Variants in ESRRG observed in about 807,000 individuals in gnomAD.
The protein encoded by ESRRG is estrogen-related receptor gamma.
ESRRG carries 13 observed loss-of-function variants against 44.0 expected under a neutral mutation model. The observed-to-expected ratio is 0.30, with a 90% CI of 0.19 to 0.47. The LOEUF (loss-of-function observed/expected upper bound fraction) is 0.47, where lower values mean the gene tolerates loss of function less well. Ranked by LOEUF, ESRRG falls within the 20% of genes least tolerant of loss-of-function variation. The probability of loss-of-function intolerance (pLI) is 1.00; values close to 1 mark genes in which losing one functional copy is unlikely to be tolerated. For missense variants in ESRRG, 395 were observed against 580.6 expected, an observed-to-expected ratio of 0.68 and a Z score of 3.29; for synonymous variants, 215 against 214.6, an observed-to-expected ratio of 1.00 and a Z score of -0.02.
At chr1:216,976,629 A>G (rs201092182) in intron 1 of ESRRG, among the ~76,000 whole-genome samples, 2 of 152,202 alleles carry the variant, frequency 1.3e-5, no homozygotes, top group East Asian at 1.9e-4. Context: ...GGTAGCATTC[A>G]TCTCTTCATT....
At chr1:216,858,847 G>A (rs1017428820) in intron 2 of ESRRG, among the ~76,000 whole-genome samples, 4 of 152,186 alleles carry the variant, frequency 2.6e-5, no homozygotes, top group East Asian at 1.9e-4. Flanking sequence ...GTAAAAGAGA[G>A]CAGTTCTGTG....
chr1:216,967,886 C>T (rs994641172), intron 1 of ESRRG, among the ~76,000 whole-genome samples: 1 of 152,158 alleles, frequency 6.6e-6, no homozygotes, highest in Non-Finnish European at 1.5e-5. Context: ...CCTGTAGTTT[C>T]ACATCCTCAT....
intron 1 of ESRRG, among the ~76,000 whole-genome samples, chr1:217,086,053 T>C (rs1293615785): frequency 6.6e-6 from 1 of 152,234 alleles, no homozygotes; most frequent in Non-Finnish European, 1.5e-5. Context: ...TTTATGAAGA[T>C]ATTTTAAATG....
intron 1 of ESRRG, among the ~76,000 whole-genome samples, chr1:216,982,907 C>T (rs2074204872): frequency 6.6e-6 from 1 of 152,116 alleles, no homozygotes; most frequent in African/African-American, 2.4e-5. Flanking sequence ...TTTATCTTCA[C>T]ACACAAGATA....
intron 2 of ESRRG, among the ~76,000 whole-genome samples, chr1:216,737,716 G>A (rs945734643): frequency 5.9e-5 from 9 of 151,712 alleles, no homozygotes; most frequent in African/African-American, 1.7e-4. Context: ...TGTGACCTTG[G>A]GCAAGTACCT....
chr1:216,724,363 T>C (rs1001664996), upstream of ESRRG, among the ~76,000 whole-genome samples: 2 of 12,108 alleles, frequency 1.7e-4, no homozygotes, highest in Non-Finnish European at 6.7e-4. Context: ...AAAGACAGCA[T>C]TTTTTTTTTT....
intron 1 of ESRRG, among the ~76,000 whole-genome samples, chr1:216,980,306 CAT>C (rs2073731346): frequency 6.6e-6 from 1 of 152,126 alleles, no homozygotes; most frequent in Non-Finnish European, 1.5e-5. Flanking sequence ...AAGTTTGAGT[CAT>C]GTGTGTTCAA....
At chr1:217,001,023 A>G (rs1297149027) in intron 1 of ESRRG, among the ~76,000 whole-genome samples, 3 of 152,278 alleles carry the variant, frequency 2.0e-5, no homozygotes, top group Non-Finnish European at 4.4e-5. Flanking sequence ...ATATAAGATC[A>G]TAAGCTAAGA....
At chr1:217,029,989 C>T (rs1266619071) in intron 1 of ESRRG, among the ~76,000 whole-genome samples, 1 of 152,092 alleles carries the variant, frequency 6.6e-6, no homozygotes, top group Non-Finnish European at 1.5e-5. Flanking sequence ...ATTTCCCAGG[C>T]AGGGAAAAGA....
chr1:217,053,528 A>G (rs184839540), intron 1 of ESRRG, among the ~76,000 whole-genome samples: 8 of 151,878 alleles, frequency 5.3e-5, no homozygotes, highest in Non-Finnish European at 8.8e-5. Context: ...TTGCAAAAAC[A>G]AAATCTCAAA....
At chr1:216,845,338 A>T (rs2095726159) in intron 2 of ESRRG, among the ~76,000 whole-genome samples, 1 of 152,148 alleles carries the variant, frequency 6.6e-6, no homozygotes, top group African/African-American at 2.4e-5. Flanking sequence ...AAGAGCCTTT[A>T]TCAAAATAGG....
At chr1:216,771,494 T>C (rs2093377466) in intron 2 of ESRRG, among the ~76,000 whole-genome samples, 1 of 152,126 alleles carries the variant, frequency 6.6e-6, no homozygotes, top group Non-Finnish European at 1.5e-5. Flanking sequence ...TCTAATGGTG[T>C]GTGAAATATA....
At chr1:216,765,015 C>T (rs949076901) in intron 2 of ESRRG, among the ~76,000 whole-genome samples, 6 of 151,930 alleles carry the variant, frequency 3.9e-5, no homozygotes, top group African/African-American at 1.2e-4. Context: ...TGGTGAGGGC[C>T]GGGGGCAGTA....
intron 2 of ESRRG, among the ~76,000 whole-genome samples, chr1:216,821,395 A>G (rs550085320): frequency 2.0e-5 from 3 of 152,182 alleles, no homozygotes; most frequent in Non-Finnish European, 4.4e-5. Context: ...TAAATATTAA[A>G]AATTCCTAGG....
At chr1:216,714,113 T>C (rs1470940542) in intron 1 of ESRRG, among the ~76,000 whole-genome samples, 1 of 152,136 alleles carries the variant, frequency 6.6e-6, no homozygotes, top group East Asian at 1.9e-4. Context: ...TTAGCAAAAA[T>C]GTCAGCCTCC....
At chr1:216,851,552 A>T (rs2095843293) in intron 2 of ESRRG, among the ~76,000 whole-genome samples, 1 of 152,112 alleles carries the variant, frequency 6.6e-6, no homozygotes, top group Admixed American at 6.6e-5. Context: ...TTTCCACTGT[A>T]TGAGGATACA....
chr1:216,957,019 T>C (rs1327516226), intron 1 of ESRRG, among the ~76,000 whole-genome samples: 2 of 152,218 alleles, frequency 1.3e-5, no homozygotes, highest in Non-Finnish European at 2.9e-5. Flanking sequence ...CACTGTGATA[T>C]TAAAAATATT....
At chr1:216,872,293 A>G (rs940148295) in intron 2 of ESRRG, among the ~76,000 whole-genome samples, 5 of 152,040 alleles carry the variant, frequency 3.3e-5, no homozygotes, top group Middle Eastern at 6.3e-3. Context: ...TTGGATTCAT[A>G]CTGTTTGATT....
intron 1 of ESRRG, among the ~76,000 whole-genome samples, chr1:217,104,496 T>C (rs149623726): frequency 3.3e-5 from 5 of 152,366 alleles, no homozygotes; most frequent in Admixed American, 1.3e-4. Context: ...GCTTCATTTC[T>C]TCAACTGTTC....
Sources: allele counts gnomAD v4.1 joint callset (sites outside exome capture counted in the v4.1 genomes callset), GRCh38; gene constraint gnomAD v4.1.1; transcripts MANE v1.5; gene names NCBI Gene and HGNC (gene_info 2026-07-23, HGNC 2026-07-21).